The following HOXB3 variants were observed in gnomAD, a reference collection of about 807,000 sequenced individuals.
The protein encoded by HOXB3 is homeobox B3.
HOXB3 carries 17 observed loss-of-function variants against 29.2 expected under a neutral mutation model. That is an observed-to-expected ratio of 0.58 (90% CI 0.40 to 0.87). HOXB3 has a LOEUF of 0.87. Ranked by LOEUF, HOXB3 falls within the 40% of genes least tolerant of loss-of-function variation. HOXB3 has a pLI of 0.00. For missense variants in HOXB3, 637 were observed against 616.3 expected, an observed-to-expected ratio of 1.03 and a Z score of -0.35; for synonymous variants, 317 against 285.9, an observed-to-expected ratio of 1.11 and a Z score of -1.10.
In HOXB3 at chr17:48,552,632, C is replaced by T; in HGVS notation, c.-158G>A. On this transcript the variant is annotated splice_region_variant and 5_prime_UTR_variant, in exon 4 of 5. Coordinates refer to ENST00000498678, the MANE Select transcript of HOXB3 (RefSeq NM_001384749.1). ...TCCGGGGTCTGTTCCAAGCGGCTGACCTGCGAGGCGAGAGAAGAGACACAA... is the reference window on the plus strand; with the variant it reads ...TCCGGGGTCTGTTCCAAGCGGCTGATCTGCGAGGCGAGAGAAGAGACACAA... 2 of 583,210 alleles carry T rather than the reference C, an allele frequency of 3.4e-6. No homozygotes were observed. Among genetic ancestry groups the T allele is most frequent in the South Asian group, 2.4e-5 (1 of 42,520 alleles). 36.1% of individuals were successfully genotyped at this position (583,210 alleles called of 1,614,324 possible).
In HOXB3 at chr17:48,550,271, C is replaced by A; in HGVS notation, c.*63G>T. On this transcript the variant is annotated 3_prime_UTR_variant, in exon 5 of 5. Coordinates refer to ENST00000498678, the MANE Select transcript of HOXB3 (RefSeq NM_001384749.1). ...TCCTCTTTTCAGACCTCCAGGTTGC[C>A]CCCCAGAGCTCCACAGTCTCTCTCT... 6.2e-7 allele frequency: 1 copy of A among 1,604,308 alleles called. No homozygotes were observed. Among genetic ancestry groups the A allele is most frequent in the South Asian group, 1.1e-5 (1 of 89,708 alleles).
Position 48,552,437 on chromosome 17 carries a change from G to A in HOXB3, c.38C>T (p.Ala13Val). Residue 13 changes from alanine to valine, a missense_variant, in exon 4 of 5, where the codon GCT (alanine) becomes GTT (valine). Ala to Val is a moderately conservative substitution (Grantham distance 64). Transcript: ENST00000498678. Reference protein sequence around the residue: ...KATYYDNAAAALFGGYSSYPG... With the variant: ...KATYYDNAAAVLFGGYSSYPG... The stretch of plus-strand genomic sequence containing the variant: ...GTACGAGGAATAGCCTCCGAAGAGA[G>A]CAGCCGCGGCGTTGTCGTAGTAGGT... 6.3e-7 allele frequency: 1 copy of A among 1,593,770 alleles called. No homozygotes were observed. The highest frequency in any genetic ancestry group is 8.6e-7 in the Non-Finnish European group (1 of 1,167,608).
intron 1 of HOXB3, chr17:48,582,226 TGCGCACCG>T (rs1329218200): frequency 6.6e-6 from 1 of 152,364 alleles, no homozygotes; most frequent in Non-Finnish European, 1.5e-5. Context: ...CCAGCCGGCC[TGCGCACCG>T]GCGGCGGCGG....
Position 48,572,715 on chromosome 17 carries a change from TG to T in HOXB3, c.-247+1121del, listed in dbSNP as rs1729679993. Among the ~76,000 whole-genome samples, 11 of 152,182 alleles carry T rather than the reference TG, an allele frequency of 7.2e-5. No homozygotes were observed. In the South Asian group the frequency reaches 2.3e-3, roughly 32 times the overall value. ...AAATCTTTACGTTTTTTTCCCCCAG[TG>T]GGCAGTAATAGAAAAATAATCCAAA... On this transcript the variant is annotated intron_variant, in intron 2 of 4. Transcript: ENST00000498678.
chr17:48,576,510 G>A lies in HOXB3; in HGVS notation c.-424-2496C>T, dbSNP rs183958025. 8.6e-3 allele frequency: 2,659 copies of A among 307,414 alleles called. 52 individuals are homozygous for A. Among genetic ancestry groups the A allele is most frequent in the African/African-American group, 0.054 (2,121 of 39,524 alleles). The allele number at this position is 307,414 out of a possible 1,614,324, so 19.0% of individuals were successfully genotyped here. A position where few individuals can be genotyped will look rare whatever the true frequency, so the allele number is the denominator to read the frequency against. On this transcript the variant is annotated intron_variant, in intron 1 of 4. Transcript: ENST00000498678. ...AGCAAGAGATTTGAATCTTGCTTCT[G>A]GGGGGGCCTCCCCGTGGCCCTCTAT...
chr17:48,553,744 G>C (rs971928416), intron 3 of HOXB3: 1 of 150,848 alleles, frequency 6.6e-6, no homozygotes, highest in African/African-American at 2.4e-5. Flanking sequence ...TTTTAAAAGT[G>C]TGCCAGAAAA....
chr17:48,586,524 C>A (rs142676490), intron 1 of HOXB3, among the ~76,000 whole-genome samples: 115 of 152,288 alleles, frequency 7.6e-4, no homozygotes, highest in African/African-American at 2.5e-3. Context: ...CGCTGCTGCC[C>A]CCGTCTGCTG....
At position 48,552,571 on chromosome 17, in the gene HOXB3, A is replaced by ACCT. The variant is rs2068799637; in HGVS notation, c.-98_-97insAGG. On this transcript the variant is annotated 5_prime_UTR_variant, in exon 4 of 5. Coordinates refer to ENST00000498678, the MANE Select transcript of HOXB3 (RefSeq NM_001384749.1). ...CCCTGGGGGTCACGTGACACGCCGG[A>ACCT]CCCCCCCCCCCCACCTCCCCTCTCT... The ACCT allele has an allele frequency of 7.9e-6, 4 of 504,638 alleles. No homozygotes were observed. The African/African-American group carries it at 1.6e-4, about 20-fold the overall frequency. 31.3% of individuals were successfully genotyped at this position (504,638 alleles called of 1,614,324 possible). A position where few individuals can be genotyped will look rare whatever the true frequency, so the allele number is the denominator to read the frequency against.
chr17:48,572,597 G>C (rs912536935), intron 2 of HOXB3, among the ~76,000 whole-genome samples: 3 of 152,182 alleles, frequency 2.0e-5, no homozygotes, highest in Non-Finnish European at 4.4e-5. Context: ...TGGTTGCGGG[G>C]AGGATGGCTG....
At position 48,550,771 on chromosome 17, in the gene HOXB3, C is replaced by T. The variant is rs774250247; in HGVS notation, c.859G>A (p.Glu287Lys). 2 of 1,602,988 alleles carry T rather than the reference C, an allele frequency of 1.2e-6. No homozygotes were observed. The highest frequency in any genetic ancestry group is 8.5e-7 in the Non-Finnish European group (1 of 1,172,336). Residue 287 changes from glutamate to lysine, a missense_variant, in exon 5 of 5, where the codon GAG becomes AAG. By Grantham distance (56) the Glu-to-Lys change is moderately conservative. Coordinates refer to ENST00000498678, the MANE Select transcript of HOXB3 (RefSeq NM_001384749.1). ...CCGAAGGCGGGTGGGGACGGGCTCTCGTAGCTGGGGGTCATGGAGTGTAAG... is the reference window on the plus strand; with the variant it reads ...CCGAAGGCGGGTGGGGACGGGCTCTTGTAGCTGGGGGTCATGGAGTGTAAG... ...NALHSMTPSY[E>K]SPSPPAFGKA...
chr17:48,581,113 C>T (rs35624684), intron 1 of HOXB3: 22,848 of 152,162 alleles, frequency 0.15, 1,921 homozygotes, highest in Non-Finnish European at 0.19. Context: ...AAAAACAACC[C>T]TCTAACTGCA....
Position 48,573,825 on chromosome 17 carries a change from G to C in HOXB3, c.-247+12C>G. 1.4e-6 allele frequency: 1 copy of C among 702,008 alleles called. No individual in the cohort carries two copies. The highest frequency in any genetic ancestry group is 2.6e-6 in the Non-Finnish European group (1 of 384,758). 43.5% of individuals were successfully genotyped at this position (702,008 alleles called of 1,614,324 possible). A position where few individuals can be genotyped will look rare whatever the true frequency, so the allele number is the denominator to read the frequency against. ...GATCAAAACACGCCAGCCCGGGCCCGGGCTTTGTTACCTTTGCGCCTCTCG... is the reference window on the plus strand; with the variant it reads ...GATCAAAACACGCCAGCCCGGGCCCCGGCTTTGTTACCTTTGCGCCTCTCG... On this transcript the variant is annotated intron_variant, in intron 2 of 4. Coordinates refer to ENST00000498678, the MANE Select transcript of HOXB3 (RefSeq NM_001384749.1).
intron 3 of HOXB3, chr17:48,555,279 AAAG>A (rs2068918913): frequency 1.8e-6 from 1 of 546,764 alleles, no homozygotes; most frequent in Admixed American, 3.4e-5. Context: ...TGCTGAAAGA[AAAG>A]AGAGAGAGGA....
chr17:48,571,675 C>T (rs2144857081), intron 2 of HOXB3, among the ~76,000 whole-genome samples: 1 of 152,346 alleles, frequency 6.6e-6, no homozygotes, highest in African/African-American at 2.4e-5. Context: ...AGAAGGCCCA[C>T]AACTGGCTAT....
rs1023568572 is a variant in HOXB3 at position 48,573,824 on chromosome 17, C to T, written c.-247+13G>A. On this transcript the variant is annotated intron_variant, in intron 2 of 4. Transcript: ENST00000498678. ...CGATCAAAACACGCCAGCCCGGGCC[C>T]GGGCTTTGTTACCTTTGCGCCTCTC... 1.0e-5 allele frequency: 7 copies of T among 701,958 alleles called. No individual in the cohort carries two copies. The highest frequency in any genetic ancestry group is 1.7e-5 in the African/African-American group (1 of 57,182). The allele number at this position is 701,958 out of a possible 1,614,324, so 43.5% of individuals were successfully genotyped here.
chr17:48,582,369 CT>C (rs2069965353), intron 1 of HOXB3: 1 of 152,226 alleles, frequency 6.6e-6, no homozygotes, highest in Non-Finnish European at 1.5e-5. Context: ...CTCCTGTCCA[CT>C]ATTGTGTGTC....
Position 48,551,061 on chromosome 17 carries a change from C to G in HOXB3, c.569G>C (p.Arg190Pro). 1 of 1,563,298 alleles carries G rather than the reference C, an allele frequency of 6.4e-7. No homozygotes were observed. Among genetic ancestry groups the G allele is most frequent in the East Asian group, 2.5e-5 (1 of 40,816 alleles). Residue 190 changes from arginine (R) to proline (P), a missense_variant, in exon 5 of 5, where the codon CGG becomes CCG. Coordinates refer to ENST00000498678, the MANE Select transcript of HOXB3 (RefSeq NM_001384749.1). ...CGCGCTCGTGTACGCCGTCCGCGCC[C>G]GCTTGGACGCCGCCGACCCCGGGGG... ...KSPPGSAASK[R>P]ARTAYTSAQL...
At chr17:48,553,160 CT>C (rs1395589413) in intron 3 of HOXB3, 1 of 152,294 alleles carries the variant, frequency 6.6e-6, no homozygotes, top group Non-Finnish European at 1.5e-5. Context: ...AGAGAAGCTT[CT>C]CTTGTGAGGT....
At chr17:48,553,475 A>T (rs1170741286) in intron 3 of HOXB3, 1 of 149,554 alleles carries the variant, frequency 6.7e-6, no homozygotes, top group Non-Finnish European at 1.5e-5. Flanking sequence ...TTTTCATGAG[A>T]CTTAATTTTT....
Sources: allele counts gnomAD v4.1 joint callset (sites outside exome capture counted in the v4.1 genomes callset), GRCh38; gene constraint gnomAD v4.1.1; transcripts MANE v1.5; gene names NCBI Gene and HGNC (gene_info 2026-07-23, HGNC 2026-07-21).